The following PCDHAC1 variants were observed in gnomAD, a reference collection of about 807,000 sequenced individuals.
PCDHAC1 encodes protocadherin alpha subfamily C, 1.
In PCDHAC1, 42 loss-of-function variants were observed where a neutral mutation model predicts 60.0. The observed-to-expected ratio is 0.70, with a 90% CI of 0.55 to 0.90. The LOEUF (loss-of-function observed/expected upper bound fraction) is 0.90. Among genes scored for constraint, PCDHAC1 ranks in the 40% least tolerant of loss-of-function variants. The pLI is 0.00. For synonymous variants in PCDHAC1, 468 were observed against 499.3 expected (o/e 0.94, Z 0.84); for missense variants, 1,160 against 1,222.3 (o/e 0.95, Z 0.76).
At chr5:140,930,446 C>T (rs891083222) in intron 1 of PCDHAC1, 1 of 151,964 alleles carries the variant, frequency 6.6e-6, no homozygotes, top group Admixed American at 6.6e-5. Context: ...TGGTCTCAAA[C>T]TCCTAGCCTC....
intron 3 of PCDHAC1, among the ~76,000 whole-genome samples, chr5:141,001,642 G>A (rs1399710505): frequency 6.6e-6 from 1 of 152,110 alleles, no homozygotes; most frequent in African/African-American, 2.4e-5. Flanking sequence ...GGGGGTGAAG[G>A]TGTGGGAGAA....
intron 1 of PCDHAC1, among the ~76,000 whole-genome samples, chr5:140,942,347 G>T (rs2093273719): frequency 6.6e-6 from 1 of 151,956 alleles, no homozygotes; most frequent in Non-Finnish European, 1.5e-5. Flanking sequence ...GGGAGGCGGA[G>T]GTTGCAGTTA....
At chr5:141,001,683 C>T (rs1042436989) in intron 3 of PCDHAC1, among the ~76,000 whole-genome samples, 1 of 152,030 alleles carries the variant, frequency 6.6e-6, no homozygotes, top group Non-Finnish European at 1.5e-5. Flanking sequence ...TCCAACAAAC[C>T]CCACAGATGG....
Position 140,929,124 on chromosome 5 carries a change from C to T in PCDHAC1, c.2232C>T (p.Val744=). 6.2e-7 allele frequency: 1 copy of T among 1,614,166 alleles called. No homozygotes were observed. The highest frequency in any genetic ancestry group is 8.5e-7 in the Non-Finnish European group (1 of 1,180,042). Reference sequence around the variant, plus strand: ...GCATGACATCAGCCACCATAGATGTCACTACAGTTGAGAGACTTTCTCAGA... The same window carrying T: ...GCATGACATCAGCCACCATAGATGTTACTACAGTTGAGAGACTTTCTCAGA... ...NPCMTSATID[V]TTVERLSQTY... The change falls in exon 1 of 4, where the codon GTC becomes GTT. Residue 744 remains valine (V), a synonymous_variant. Transcript: ENST00000253807.
intron 1 of PCDHAC1, among the ~76,000 whole-genome samples, chr5:140,977,960 A>G (rs760810328): frequency 9.2e-5 from 14 of 152,142 alleles, no homozygotes; most frequent in Non-Finnish European, 1.3e-4. Flanking sequence ...GGCCACCTCA[A>G]TCTCCGCCCA....
chr5:140,933,653 GTCTC>G (rs1245688430), intron 1 of PCDHAC1, among the ~76,000 whole-genome samples: 3 of 151,982 alleles, frequency 2.0e-5, no homozygotes, highest in East Asian at 1.9e-4. Context: ...TGGAAATCCT[GTCTC>G]TCTCTCTGTC....
At chr5:140,973,921 C>T (rs1407436010) in intron 1 of PCDHAC1, among the ~76,000 whole-genome samples, 1 of 152,210 alleles carries the variant, frequency 6.6e-6, no homozygotes, top group Non-Finnish European at 1.5e-5. Context: ...TGTCACCAAA[C>T]CCAGAGGTTT....
intron 1 of PCDHAC1, chr5:140,968,014 A>G: frequency 6.2e-7 from 1 of 1,614,194 alleles, no homozygotes; most frequent in Non-Finnish European, 8.5e-7. Flanking sequence ...ATGGCTTTGG[A>G]AACTCCTATA....
At chr5:140,937,198 C>T (rs2091402998) in intron 1 of PCDHAC1, among the ~76,000 whole-genome samples, 1 of 151,908 alleles carries the variant, frequency 6.6e-6, no homozygotes, top group Non-Finnish European at 1.5e-5. Context: ...CCACCATGCC[C>T]GGCTAATTTT....
intron 1 of PCDHAC1, among the ~76,000 whole-genome samples, chr5:140,958,528 G>T (rs961967514): frequency 4.6e-5 from 7 of 152,112 alleles, no homozygotes; most frequent in Non-Finnish European, 8.8e-5. Flanking sequence ...TATACTATGT[G>T]TACATTGATT....
At chr5:140,936,418 T>G (rs2090950050) in intron 1 of PCDHAC1, among the ~76,000 whole-genome samples, 1 of 152,222 alleles carries the variant, frequency 6.6e-6, no homozygotes, top group African/African-American at 2.4e-5. Context: ...ATGTTACTAA[T>G]TTTAATTAAT....
chr5:141,007,277 C>T (rs2098312243), intron 3 of PCDHAC1, among the ~76,000 whole-genome samples: 1 of 151,304 alleles, frequency 6.6e-6, no homozygotes, highest in Non-Finnish European at 1.5e-5. Context: ...AGGCTGGGTG[C>T]AGTGGGCTCA....
intron 3 of PCDHAC1, among the ~76,000 whole-genome samples, chr5:140,996,581 A>C (rs1554255228): frequency 6.6e-6 from 1 of 152,118 alleles, no homozygotes; most frequent in Non-Finnish European, 1.5e-5. Flanking sequence ...ATTTGTTAAC[A>C]AGGGCCGCCT....
chr5:140,968,234 A>T (rs1426230655), intron 1 of PCDHAC1: 1 of 1,613,870 alleles, frequency 6.2e-7, no homozygotes, highest in Non-Finnish European at 8.5e-7. Flanking sequence ...GTTGCTCTGT[A>T]CTGTGCAAGC....
rs549880473 is a variant in PCDHAC1, at chr5:140,972,926, T to C, written c.2434-6023T>C. Among the ~76,000 whole-genome samples the C allele has an allele frequency of 9.2e-5, 14 of 152,264 alleles. No individual in the cohort carries two copies. The East Asian group carries it at 2.7e-3, about 29-fold the overall frequency. On this transcript the variant is annotated intron_variant, in intron 1 of 3. Coordinates refer to ENST00000253807, the MANE Select transcript of PCDHAC1 (RefSeq NM_018898.5). ...ATCCACCCGCCTTGGCCTCCCAAAG[T>C]GCTGGGATTACAGATGTGAGCCACC...
rs62384489 is a variant in PCDHAC1, at chr5:140,928,291, G to A, written c.1399G>A (p.Val467Met). Residue 467 changes from valine (V) to methionine (M), a missense_variant, in exon 1 of 4, where the codon GTG (valine) becomes ATG (methionine). By Grantham distance (21) the Val-to-Met change is conservative (BLOSUM62 1). Around this residue, in one of 3 missense-constraint regions of PCDHAC1, gnomAD observed 1,113 missense variants for 1,163.7 expected, o/e 0.96. Coordinates refer to ENST00000253807, the MANE Select transcript of PCDHAC1 (RefSeq NM_018898.5). ...NNGPGASLGR[V>M]FAQDPDLGKN... ...TGGCCCTGGGGCCTCTCTAGGCCGA[G>A]TGTTTGCCCAGGACCCCGACCTGGG... The A allele has an allele frequency of 6.2e-7, 1 of 1,614,142 alleles. No homozygotes were observed. The highest frequency in any genetic ancestry group is 8.5e-7 in the Non-Finnish European group (1 of 1,180,038).
At chr5:141,003,870 C>A (rs1345140541) in intron 3 of PCDHAC1, among the ~76,000 whole-genome samples, 8 of 152,148 alleles carry the variant, frequency 5.3e-5, no homozygotes, top group Admixed American at 3.9e-4. Flanking sequence ...GTCTGAAATC[C>A]TCCTTCTAGC....
At chr5:140,952,410 T>C (rs2094741343) in intron 1 of PCDHAC1, among the ~76,000 whole-genome samples, 1 of 151,978 alleles carries the variant, frequency 6.6e-6, no homozygotes, top group Non-Finnish European at 1.5e-5. Flanking sequence ...TCAAATTTAA[T>C]GTTCCGCAGA....
At chr5:140,956,958 A>C (rs970237928) in intron 1 of PCDHAC1, among the ~76,000 whole-genome samples, 4 of 134,798 alleles carry the variant, frequency 3.0e-5, no homozygotes, top group Non-Finnish European at 6.6e-5. Context: ...AAACACTGTA[A>C]TTAATCAGTC....
Sources: allele counts gnomAD v4.1 joint callset (sites outside exome capture counted in the v4.1 genomes callset), GRCh38; gene constraint gnomAD v4.1.1; regional missense constraint gnomAD v4.1.1; transcripts MANE v1.5; gene names NCBI Gene and HGNC (gene_info 2026-07-23, HGNC 2026-07-21).